The following EYA1 variants were observed in gnomAD, a reference collection of about 807,000 sequenced individuals.
The protein encoded by EYA1 is EYA transcriptional coactivator and phosphatase 1, also known as protein phosphatase EYA1.
In EYA1, 16 loss-of-function variants were observed where a neutral mutation model predicts 82.0. The observed-to-expected ratio is 0.20, with a 90% CI of 0.13 to 0.30. The LOEUF (loss-of-function observed/expected upper bound fraction) is 0.30. Ranked by LOEUF, EYA1 falls within the 10% of genes least tolerant of loss-of-function variation. EYA1 has a pLI of 1.00. For synonymous variants in EYA1, 261 were observed against 264.4 expected (o/e 0.99, Z 0.12); for missense variants, 633 against 730.7 (o/e 0.87, Z 1.54).
intron 6 of EYA1, among the ~76,000 whole-genome samples, chr8:71,319,805 A>C (rs186889936): frequency 6.6e-6 from 1 of 152,294 alleles, no homozygotes; most frequent in East Asian, 1.9e-4. Context: ...GAATGAGCAA[A>C]GGGGAGAAGG....
chr8:71,356,752 T>C (rs748025202), intron 1 of EYA1: 6 of 1,202,374 alleles, frequency 5.0e-6, no homozygotes, highest in Non-Finnish European at 6.2e-6. Context: ...AATGACGTGA[T>C]AGTGATTCAT....
intron 2 of EYA1, among the ~76,000 whole-genome samples, chr8:71,527,629 T>A (rs1813919018): frequency 6.6e-6 from 1 of 152,156 alleles, no homozygotes; most frequent in Non-Finnish European, 1.5e-5. Flanking sequence ...ATCCTTGGAT[T>A]CCCCAGCCCC....
intron 2 of EYA1, among the ~76,000 whole-genome samples, chr8:71,533,648 T>A (rs1263978873): frequency 1.3e-5 from 2 of 152,148 alleles, no homozygotes; most frequent in Non-Finnish European, 2.9e-5. Flanking sequence ...CCTCTTCCCA[T>A]CTTGAGCCTC....
intron 12 of EYA1, among the ~76,000 whole-genome samples, chr8:71,236,849 T>G (rs758033521): frequency 2.0e-5 from 3 of 152,234 alleles, no homozygotes; most frequent in Non-Finnish European, 4.4e-5. Context: ...TTAGAAGTGA[T>G]GCTAAAAGTG....
intron 3 of EYA1, 156 bp from the exon 4 acceptor site, chr8:71,334,330 TA>T (rs780884608): frequency 1.4e-6 from 1 of 715,310 alleles, no homozygotes. Context: ...AGACTCCTTT[TA>T]AAAAAATTCA....
At chr8:71,202,494 C>T (rs1257353132) in intron 17 of EYA1, among the ~76,000 whole-genome samples, 1 of 152,132 alleles carries the variant, frequency 6.6e-6, no homozygotes, top group Non-Finnish European at 1.5e-5. Context: ...TGGCTTTAGT[C>T]TTCCTGTACA....
intron 2 of EYA1, among the ~76,000 whole-genome samples, chr8:71,384,314 C>T (rs895431378): frequency 6.6e-6 from 1 of 152,138 alleles, no homozygotes; most frequent in Non-Finnish European, 1.5e-5. Context: ...CTTCTCAGAG[C>T]TTTGTGAGAT....
At chr8:71,332,706 C>A (rs1285671027) in intron 4 of EYA1, among the ~76,000 whole-genome samples, 1 of 152,136 alleles carries the variant, frequency 6.6e-6, no homozygotes, top group South Asian at 2.1e-4. Context: ...CCTCCCATTG[C>A]ACACAGGAGA....
chr8:71,230,816 A>G (rs1811108548), intron 12 of EYA1, among the ~76,000 whole-genome samples: 1 of 152,240 alleles, frequency 6.6e-6, no homozygotes, highest in South Asian at 2.1e-4. Flanking sequence ...GGAATTTTCA[A>G]TACATATTTG....
chr8:71,268,515 T>C (rs1816134816), intron 11 of EYA1, among the ~76,000 whole-genome samples: 1 of 152,252 alleles, frequency 6.6e-6, no homozygotes, highest in Non-Finnish European at 1.5e-5. Flanking sequence ...TATGTGCTAA[T>C]CACGCAGTAG....
chr8:71,430,407 C>T (rs1805532423), intron 2 of EYA1, among the ~76,000 whole-genome samples: 1 of 152,134 alleles, frequency 6.6e-6, no homozygotes, highest in African/African-American at 2.4e-5. Context: ...AATCTGTTCG[C>T]TATACTTGAG....
At chr8:71,279,130 T>C (rs1817532038) in intron 9 of EYA1, among the ~76,000 whole-genome samples, 1 of 152,216 alleles carries the variant, frequency 6.6e-6, no homozygotes, top group Non-Finnish European at 1.5e-5. Context: ...CATGAAATCC[T>C]TAGAAAGATT....
At chr8:71,524,976 T>C (rs762123220) in intron 2 of EYA1, among the ~76,000 whole-genome samples, 4 of 152,252 alleles carry the variant, frequency 2.6e-5, no homozygotes, top group South Asian at 2.1e-4. Flanking sequence ...TTTTGAGATA[T>C]GCTCTTGATA....
chr8:71,534,792 A>T (rs966665170), intron 2 of EYA1, among the ~76,000 whole-genome samples: 10 of 152,114 alleles, frequency 6.6e-5, no homozygotes, highest in African/African-American at 2.2e-4. Flanking sequence ...AGGATGGGTC[A>T]ATAGGAGCAG....
intron 9 of EYA1, among the ~76,000 whole-genome samples, chr8:71,295,637 C>A (rs766408861): frequency 2.0e-5 from 3 of 152,162 alleles, no homozygotes; most frequent in Non-Finnish European, 4.4e-5. Context: ...ATGGTATAGC[C>A]ACTTTGGAAG....
At chr8:71,300,844 C>A (rs940044250) in intron 7 of EYA1, among the ~76,000 whole-genome samples, 3 of 151,932 alleles carry the variant, frequency 2.0e-5, no homozygotes, top group Non-Finnish European at 4.4e-5. Context: ...ACTAAAATAA[C>A]AAAAAGTATT....
chr8:71,542,259 C>T (rs960911363), intron 1 of EYA1, among the ~76,000 whole-genome samples: 9 of 152,112 alleles, frequency 5.9e-5, no homozygotes, highest in Admixed American at 5.9e-4. Context: ...TGTTGTTCCC[C>T]TTTATGTATC....
At chr8:71,380,493 C>T (rs1262633066) in intron 2 of EYA1, among the ~76,000 whole-genome samples, 3 of 152,154 alleles carry the variant, frequency 2.0e-5, no homozygotes, top group Non-Finnish European at 4.4e-5. Flanking sequence ...CAGCCTGCAG[C>T]CCTGCCCCTG....
At chr8:71,421,626 A>C (rs536681041) in intron 2 of EYA1, among the ~76,000 whole-genome samples, 1 of 152,288 alleles carries the variant, frequency 6.6e-6, no homozygotes, top group African/African-American at 2.4e-5. Flanking sequence ...AGGTTGTGGA[A>C]AAAAATGATG....
Sources: allele counts gnomAD v4.1 joint callset (sites outside exome capture counted in the v4.1 genomes callset), GRCh38; gene constraint gnomAD v4.1.1; transcripts MANE v1.5; gene names NCBI Gene and HGNC (gene_info 2026-07-23, HGNC 2026-07-21).